THEMIS: variants seen among roughly 807,000 people sequenced by gnomAD.
THEMIS encodes protein THEMIS.
THEMIS carries 37 observed loss-of-function variants against 52.6 expected under a neutral mutation model. The observed-to-expected ratio is 0.70, with a 90% CI of 0.54 to 0.93. The LOEUF (loss-of-function observed/expected upper bound fraction) is 0.93. Ranked by LOEUF, THEMIS falls within the 40% of genes least tolerant of loss-of-function variation. The pLI, the probability that THEMIS is intolerant of heterozygous loss-of-function variation, is 0.00. For synonymous variants in THEMIS, 292 were observed against 272.7 expected, an observed-to-expected ratio of 1.07 and a Z score of -0.70; for missense variants, 808 against 763.1, an observed-to-expected ratio of 1.06 and a Z score of -0.69.
chr6:127,787,850 TATAG>T (rs149637898), intron 4 of THEMIS, among the ~76,000 whole-genome samples: 5,754 of 137,198 alleles, frequency 0.042, 152 homozygotes, highest in Middle Eastern at 0.069. Context: ...GATAGACAGA[TATAG>T]ATAGATAGAT....
At chr6:127,743,643 T>G (rs1053089013) in intron 4 of THEMIS, among the ~76,000 whole-genome samples, 22 of 152,124 alleles carry the variant, frequency 1.4e-4, no homozygotes, top group Admixed American at 1.4e-3. Context: ...CAAACAAAAC[T>G]ATAGACATCT....
At chr6:127,852,884 G>GT (rs1779479194) in intron 2 of THEMIS, among the ~76,000 whole-genome samples, 1 of 151,324 alleles carries the variant, frequency 6.6e-6, no homozygotes, top group Admixed American at 6.6e-5. Flanking sequence ...CAATAAAACT[G>GT]TTTTATAAAC....
chr6:127,822,766 G>T (rs1265056822), intron 3 of THEMIS, among the ~76,000 whole-genome samples: 1 of 152,060 alleles, frequency 6.6e-6, no homozygotes, highest in Non-Finnish European at 1.5e-5. Flanking sequence ...TTGACTTTCA[G>T]TAAAGGATGT....
In THEMIS at chr6:127,719,211, G is replaced by A. The variant is rs556752185; in HGVS notation, c.1894+477C>T. ...ATGCTATCAACTCCTCCACAAGTCC[G>A]TTTGCTTTTGTTTTGCACTCAGTAG... On this transcript the variant is annotated intron_variant, in intron 5 of 5. Transcript: ENST00000368248. Among the ~76,000 whole-genome samples, 8 of 151,926 alleles carry A rather than the reference G, an allele frequency of 5.3e-5. No homozygotes were observed. The South Asian group carries it at 6.2e-4, about 12-fold the overall frequency.
chr6:127,803,424 T>A (rs181183456), intron 4 of THEMIS, among the ~76,000 whole-genome samples: 1 of 152,316 alleles, frequency 6.6e-6, no homozygotes, highest in East Asian at 1.9e-4. Context: ...TTTCTTTGCT[T>A]ATTATTAAAG....
chr6:127,899,830 T>C (rs1781081915), intron 1 of THEMIS, among the ~76,000 whole-genome samples: 1 of 150,350 alleles, frequency 6.7e-6, no homozygotes, highest in South Asian at 2.1e-4. Context: ...TACAAATTAG[T>C]TAAATAAAAC....
intron 1 of THEMIS, 67 bp downstream of exon 1, chr6:127,900,775 T>C: frequency 7.2e-7 from 1 of 1,388,852 alleles, no homozygotes; most frequent in South Asian, 1.2e-5. Context: ...ATTCCCCCCC[T>C]CCAATTTTCA....
intron 1 of THEMIS, among the ~76,000 whole-genome samples, chr6:127,856,427 G>A (rs2098794523): frequency 6.6e-6 from 1 of 151,856 alleles, no homozygotes; most frequent in Non-Finnish European, 1.5e-5. Context: ...CCAGTTCTAG[G>A]CAACCAAAGA....
At chr6:127,912,136 G>A (rs1468590510) in intron 1 of THEMIS, among the ~76,000 whole-genome samples, 1 of 152,166 alleles carries the variant, frequency 6.6e-6, no homozygotes, top group African/African-American at 2.4e-5. Context: ...GTGAGACATG[G>A]TGTCAAAGGA....
chr6:127,917,975 T>G (rs1326672948), intron 1 of THEMIS, among the ~76,000 whole-genome samples: 2 of 152,198 alleles, frequency 1.3e-5, no homozygotes, highest in Admixed American at 6.5e-5. Context: ...TATTTCACTC[T>G]TATCTGAGAG....
chr6:127,884,839 A>G (rs558721317), intron 1 of THEMIS, among the ~76,000 whole-genome samples: 34 of 152,300 alleles, frequency 2.2e-4, no homozygotes, highest in Admixed American at 3.9e-4. Context: ...CTTGGCATGC[A>G]TACTGACGCC....
intron 4 of THEMIS, among the ~76,000 whole-genome samples, chr6:127,767,740 C>G (rs1449262777): frequency 1.3e-5 from 2 of 152,070 alleles, no homozygotes; most frequent in Non-Finnish European, 2.9e-5. Flanking sequence ...TTGATATTGT[C>G]ATTTCTTATC....
At chr6:127,775,161 T>C (rs778160596) in intron 4 of THEMIS, among the ~76,000 whole-genome samples, 4 of 152,192 alleles carry the variant, frequency 2.6e-5, no homozygotes, top group Non-Finnish European at 5.9e-5. Context: ...CAGCACACCA[T>C]GAACTCTTTA....
intron 4 of THEMIS, among the ~76,000 whole-genome samples, chr6:127,798,094 G>A (rs1413654966): frequency 6.6e-6 from 1 of 152,184 alleles, no homozygotes; most frequent in Non-Finnish European, 1.5e-5. Flanking sequence ...ATGCACGTAT[G>A]TGTGTCTGAG....
chr6:127,822,706 A>C (rs1778382101), intron 3 of THEMIS, among the ~76,000 whole-genome samples: 1 of 152,142 alleles, frequency 6.6e-6, no homozygotes, highest in African/African-American at 2.4e-5. Flanking sequence ...ACACTAACCT[A>C]GGTGATGCTG....
intron 4 of THEMIS, among the ~76,000 whole-genome samples, chr6:127,808,916 A>T (rs1444199373): frequency 6.6e-6 from 1 of 152,242 alleles, no homozygotes; most frequent in Non-Finnish European, 1.5e-5. Flanking sequence ...GTTCATAACC[A>T]ACCGCAGATA....
chr6:127,714,063 A>T (rs1221612967), intron 5 of THEMIS, among the ~76,000 whole-genome samples: 3 of 151,946 alleles, frequency 2.0e-5, no homozygotes, highest in African/African-American at 7.2e-5. Flanking sequence ...CTTTGAAGAT[A>T]AAGCCAATCA....
the THEMIS span, among the ~76,000 whole-genome samples, chr6:127,696,807 G>A: frequency 1.3e-5 from 2 of 151,946 alleles, no homozygotes; most frequent in South Asian, 2.1e-4. Flanking sequence ...TCTTTCCTCT[G>A]TGCATGTGTA....
chr6:127,732,208 C>T (rs944903076), intron 4 of THEMIS, among the ~76,000 whole-genome samples: 12 of 151,756 alleles, frequency 7.9e-5, no homozygotes, highest in South Asian at 2.1e-4. Context: ...CATAACATGG[C>T]GAAGTTTTTT....
Sources: allele counts gnomAD v4.1 joint callset (sites outside exome capture counted in the v4.1 genomes callset), GRCh38; gene constraint gnomAD v4.1.1; transcripts MANE v1.5; gene names NCBI Gene and HGNC (gene_info 2026-07-23, HGNC 2026-07-21).